SRFBP1: variants seen among roughly 807,000 people sequenced by gnomAD.
SRFBP1 encodes the protein serum response factor-binding protein 1.
In SRFBP1, 47 loss-of-function variants were observed where a neutral mutation model predicts 45.5. The ratio of observed to expected loss-of-function variants is 1.03; its 90% CI spans 0.82 to 1.32. The LOEUF (loss-of-function observed/expected upper bound fraction) is 1.32, where lower values mean the gene tolerates loss of function less well. SRFBP1 is among the 40% of genes most tolerant of loss of function. The pLI is 0.00. For synonymous variants in SRFBP1, 203 were observed against 166.3 expected (o/e 1.22, Z -1.70); for missense variants, 621 against 484.6 (o/e 1.28, Z -2.64).
chr5:121,983,456 T>C (rs907166945), intron 3 of SRFBP1, among the ~76,000 whole-genome samples: 4 of 151,794 alleles, frequency 2.6e-5, no homozygotes, highest in Non-Finnish European at 5.9e-5. Flanking sequence ...TCATGTTTAA[T>C]CACTTACATT....
rs1449251557 is a variant in SRFBP1, at chr5:121,961,998, T to G, written c.-35T>G. On this transcript the variant is annotated 5_prime_UTR_variant, in exon 1 of 8. Transcript: ENST00000339397. ...CCGCGGTCTGAGAGACCGGTTCACG[T>G]GCAGGCAGCGGCGGATCATATTCCT... The G allele has an allele frequency of 1.2e-6, 2 of 1,613,646 alleles. No individual in the cohort carries two copies. The highest frequency in any genetic ancestry group is 1.7e-6 in the Non-Finnish European group (2 of 1,179,934).
chr5:122,017,858 C>T (rs1318312513), intron 4 of SRFBP1, among the ~76,000 whole-genome samples: 4 of 152,184 alleles, frequency 2.6e-5, no homozygotes, highest in Non-Finnish European at 5.9e-5. Context: ...TTTACTTTCA[C>T]ACACTAGTGA....
At chr5:122,048,920 T>C (rs1043421865) in intron 2 of SRFBP1, among the ~76,000 whole-genome samples, 2 of 152,194 alleles carry the variant, frequency 1.3e-5, no homozygotes, top group African/African-American at 2.4e-5. Flanking sequence ...ATTGCATCTA[T>C]TTGATTCTTC....
chr5:121,964,127 C>G (rs544340661), intron 1 of SRFBP1, among the ~76,000 whole-genome samples: 2 of 152,188 alleles, frequency 1.3e-5, no homozygotes, highest in East Asian at 3.9e-4. Context: ...TCCATCACCA[C>G]TAGAATCCTA....
At chr5:122,061,674 T>G (rs1754171537) in intron 2 of SRFBP1, among the ~76,000 whole-genome samples, 1 of 151,980 alleles carries the variant, frequency 6.6e-6, no homozygotes. Flanking sequence ...CTAAGATTTG[T>G]GAGGGAAGAG....
At chr5:122,043,936 C>T (rs1376340608) in intron 2 of SRFBP1, among the ~76,000 whole-genome samples, 2 of 152,012 alleles carry the variant, frequency 1.3e-5, no homozygotes, top group Non-Finnish European at 2.9e-5. Context: ...GGTTGGTGTA[C>T]TGATAGTCTT....
chr5:121,994,830 T>C (rs1421665492), intron 4 of SRFBP1, among the ~76,000 whole-genome samples, 160 bp downstream of exon 4: 3 of 152,120 alleles, frequency 2.0e-5, no homozygotes, highest in Non-Finnish European at 4.4e-5. Flanking sequence ...AAATTTATAC[T>C]AACATATACA....
Position 122,070,922 on chromosome 5 carries a change from A to AT in SRFBP1, n.312-4391dup, listed in dbSNP as rs551147396. Among the ~76,000 whole-genome samples, 649 of 152,236 alleles carry AT rather than the reference A, an allele frequency of 4.3e-3. 4 individuals are homozygous for AT. The highest frequency in any genetic ancestry group is 6.4e-3 in the Non-Finnish European group (437 of 67,990). On this transcript the variant is annotated intron_variant and non_coding_transcript_variant, in intron 2 of 2. Transcript: ENST00000504881. ...GTTCAGGAATAAAGGCCACATAATAATTATCTTAGCTCAAATGTCCTCTTC... is the reference window on the plus strand; with the variant it reads ...GTTCAGGAATAAAGGCCACATAATAATTTATCTTAGCTCAAATGTCCTCTTC...
intron 3 of SRFBP1, among the ~76,000 whole-genome samples, chr5:121,979,567 TTTTA>T (rs1266136253): frequency 3.7e-4 from 56 of 152,322 alleles, no homozygotes; most frequent in East Asian, 1.9e-4. Context: ...TTTCTGAGAG[TTTTA>T]TTTGTGAGCC....
intron 4 of SRFBP1, among the ~76,000 whole-genome samples, chr5:122,008,529 G>A (rs1299444454): frequency 6.6e-6 from 1 of 152,166 alleles, no homozygotes; most frequent in Non-Finnish European, 1.5e-5. Context: ...GGTAACTTGA[G>A]TAGTATAAAA....
At chr5:122,062,707 A>C (rs1003523793) in intron 2 of SRFBP1, among the ~76,000 whole-genome samples, 2 of 151,930 alleles carry the variant, frequency 1.3e-5, no homozygotes, top group African/African-American at 4.8e-5. Context: ...TTTGTGGGTT[A>C]ATTTTGTGAG....
chr5:121,997,680 T>G (rs1197165927), intron 4 of SRFBP1, among the ~76,000 whole-genome samples: 3 of 150,974 alleles, frequency 2.0e-5, no homozygotes, highest in Non-Finnish European at 4.4e-5. Flanking sequence ...CTAATTAAAC[T>G]AAAGAGCTTC....
chr5:121,998,111 T>G (rs1184694306), intron 4 of SRFBP1, among the ~76,000 whole-genome samples: 1 of 151,160 alleles, frequency 6.6e-6, no homozygotes, highest in Non-Finnish European at 1.5e-5. Flanking sequence ...GTGTGGCGAT[T>G]CCTCAGGGAT....
chr5:122,007,156 G>C (rs1325259721), intron 4 of SRFBP1, among the ~76,000 whole-genome samples: 1 of 152,074 alleles, frequency 6.6e-6, no homozygotes, highest in African/African-American at 2.4e-5. Flanking sequence ...TGCCGGCCTG[G>C]TGACCAGGTC....
chr5:122,070,514 GT>G (rs1463686675), intron 2 of SRFBP1: 1 of 1,602,780 alleles, frequency 6.2e-7, no homozygotes, highest in South Asian at 1.1e-5. Context: ...TAGTTTCCAG[GT>G]TTTACATCTG....
intron 3 of SRFBP1, among the ~76,000 whole-genome samples, chr5:121,988,485 A>G (rs1752560544): frequency 6.6e-6 from 1 of 152,214 alleles, no homozygotes; most frequent in South Asian, 2.1e-4. Context: ...AAATAGGCAT[A>G]ATTCTAGGTG....
exon 3 of SRFBP1, chr5:122,075,553 A>G: frequency 6.5e-7 from 1 of 1,534,678 alleles, no homozygotes. Context: ...TGTGATTTTG[A>G]AAAAAGAAAA....
chr5:122,058,341 T>G (rs1413576068), intron 2 of SRFBP1, among the ~76,000 whole-genome samples: 3 of 152,190 alleles, frequency 2.0e-5, no homozygotes, highest in Non-Finnish European at 2.9e-5. Context: ...TTAAGAAAAT[T>G]TTTGTATCTT....
downstream of SRFBP1, among the ~76,000 whole-genome samples, chr5:122,029,536 C>T (rs562408410): frequency 1.3e-5 from 2 of 152,260 alleles, no homozygotes; most frequent in Admixed American, 6.5e-5. Context: ...GTATTTCCTT[C>T]CTCTAGTATT....
Sources: gnomAD v4.1 joint callset for allele counts (sites outside exome capture counted in the v4.1 genomes callset) on GRCh38, gnomAD v4.1.1 for gene constraint, MANE v1.5 for transcripts, NCBI Gene and HGNC (gene_info 2026-07-23, HGNC 2026-07-21) for gene names.